The following CDH13 variants were observed in gnomAD, a reference collection of about 807,000 sequenced individuals.
CDH13 encodes cadherin-13.
In CDH13, 24 loss-of-function variants were observed where a neutral mutation model predicts 63.8. The observed-to-expected ratio is 0.38, with a 90% CI of 0.27 to 0.53. The LOEUF (loss-of-function observed/expected upper bound fraction) is 0.53. Ranked by LOEUF, CDH13 falls within the 20% of genes least tolerant of loss-of-function variation. The pLI, the probability that CDH13 is intolerant of heterozygous loss-of-function variation, is 0.85. For missense variants in CDH13, 1,049 were observed against 903.1 expected, an observed-to-expected ratio of 1.16 and a Z score of -2.07; for synonymous variants, 503 against 355.3, an observed-to-expected ratio of 1.42 and a Z score of -4.67.
chr16:82,978,887 GCAC>G (rs3049854), intron 2 of CDH13, among the ~76,000 whole-genome samples: 116,167 of 151,648 alleles, frequency 0.77, 45,182 homozygotes, highest in African/African-American at 0.9. Context: ...CCGACAGCTT[GCAC>G]CACCATGCAC....
At chr16:82,863,581 C>G (rs1310674019) in intron 2 of CDH13, among the ~76,000 whole-genome samples, 9 of 152,218 alleles carry the variant, frequency 5.9e-5, no homozygotes. Flanking sequence ...GTCCCTGCTT[C>G]TAGAGCTAAT....
At chr16:82,767,764 C>G (rs976070895) in intron 1 of CDH13, among the ~76,000 whole-genome samples, 2 of 152,184 alleles carry the variant, frequency 1.3e-5, no homozygotes, top group East Asian at 1.9e-4. Flanking sequence ...GGACACTGGA[C>G]TGCCATCCCA....
At chr16:83,521,862 CTT>C (rs1205270458) in intron 7 of CDH13, among the ~76,000 whole-genome samples, 7 of 152,202 alleles carry the variant, frequency 4.6e-5, no homozygotes, top group African/African-American at 1.7e-4. Context: ...TTTTCAATAA[CTT>C]CACCTATAAT....
chr16:82,857,452 C>G (rs765196956), intron 1 of CDH13, among the ~76,000 whole-genome samples: 1 of 152,134 alleles, frequency 6.6e-6, no homozygotes, highest in Non-Finnish European at 1.5e-5. Flanking sequence ...TTTTTATGGC[C>G]TTATAGCCTT....
intron 4 of CDH13, among the ~76,000 whole-genome samples, chr16:83,187,163 G>T (rs1394173740): frequency 6.6e-6 from 1 of 152,056 alleles, no homozygotes; most frequent in East Asian, 1.9e-4. Flanking sequence ...TAGAAATGGG[G>T]TTTCACCATG....
intron 10 of CDH13, among the ~76,000 whole-genome samples, chr16:83,730,149 G>T (rs1559322): frequency 0.012 from 1,795 of 152,270 alleles, 37 homozygotes; most frequent in African/African-American, 0.041. Context: ...TTCCCTGATT[G>T]ATTTTTTATT....
At position 83,796,150 on chromosome 16, in the gene CDH13, A is replaced by C. The variant is rs975257748; in HGVS notation, c.*1120A>C. On this transcript the variant is annotated 3_prime_UTR_variant, in exon 14 of 14. Transcript: ENST00000567109. The stretch of plus-strand genomic sequence containing the variant: ...AAGACGTTCATTATGTATGAAAAGT[A>C]ACTGATTTGTATTCTGTGAGCATGT... 2 of 152,640 alleles carry C rather than the reference A, an allele frequency of 1.3e-5. No individual in the cohort carries two copies. The highest frequency in any genetic ancestry group is 2.9e-5 in the Non-Finnish European group (2 of 68,054). The allele number at this position is 152,640 out of a possible 1,614,324, so 9.5% of individuals were successfully genotyped here. A position where few individuals can be genotyped will look rare whatever the true frequency, so the allele number is the denominator to read the frequency against.
At chr16:82,909,252 ATGTGTG>A (rs10527714) in intron 2 of CDH13, among the ~76,000 whole-genome samples, 20,981 of 146,718 alleles carry the variant, frequency 0.14, 1,680 homozygotes, top group African/African-American at 0.22. Flanking sequence ...CTGACTGTAT[ATGTGTG>A]TGTGTGTGTG....
intron 6 of CDH13, among the ~76,000 whole-genome samples, chr16:83,350,855 C>T (rs916181468): frequency 6.6e-6 from 1 of 152,194 alleles, no homozygotes. Flanking sequence ...CAGGATCCAC[C>T]TGAGTTCCTT....
chr16:83,273,627 A>T (rs893622562), intron 5 of CDH13, among the ~76,000 whole-genome samples: 14 of 152,212 alleles, frequency 9.2e-5, no homozygotes, highest in Non-Finnish European at 1.8e-4. Context: ...TTAAGAAGCC[A>T]ACAGGGAGGC....
At chr16:83,261,149 A>G (rs889355610) in intron 5 of CDH13, among the ~76,000 whole-genome samples, 2 of 152,168 alleles carry the variant, frequency 1.3e-5, no homozygotes, top group Non-Finnish European at 2.9e-5. Flanking sequence ...TTGTTATGAC[A>G]TAGTGACCAC....
intron 2 of CDH13, among the ~76,000 whole-genome samples, chr16:83,030,485 A>G (rs1660616968): frequency 6.6e-6 from 1 of 151,868 alleles, no homozygotes; most frequent in Non-Finnish European, 1.5e-5. Context: ...TCTACTAAAA[A>G]TACAAAAATT....
At chr16:83,361,785 T>G in intron 6 of CDH13, among the ~76,000 whole-genome samples, 1 of 152,156 alleles carries the variant, frequency 6.6e-6, no homozygotes, top group East Asian at 1.9e-4. Flanking sequence ...CATTAGTCTA[T>G]GTGTCTATTT....
intron 5 of CDH13, among the ~76,000 whole-genome samples, chr16:83,269,093 C>G (rs1443905352): frequency 6.6e-6 from 1 of 152,224 alleles, no homozygotes; most frequent in Non-Finnish European, 1.5e-5. Context: ...ACTTCATAAT[C>G]TAGAACTCTC....
At chr16:83,386,484 A>G (rs1287019870) in intron 6 of CDH13, among the ~76,000 whole-genome samples, 2 of 152,214 alleles carry the variant, frequency 1.3e-5, no homozygotes, top group Non-Finnish European at 2.9e-5. Context: ...CTAGGATGAT[A>G]CTAAAAGCCA....
At position 83,227,952 on chromosome 16, in the gene CDH13, A is replaced by C. The variant is rs549993394; in HGVS notation, c.636+10455A>C. ...CATGGAGCTCTGTCAATCTACAGGC[A>C]TTAGTGAGTATGTGACGATCAGGTG... On this transcript the variant is annotated intron_variant, in intron 5 of 13. Coordinates refer to ENST00000567109, the MANE Select transcript of CDH13 (RefSeq NM_001257.5). Among the ~76,000 whole-genome samples, 10 of 152,284 alleles carry C rather than the reference A, an allele frequency of 6.6e-5. No homozygotes were observed. In the South Asian group the frequency reaches 2.1e-3, roughly 32 times the overall value.
intron 4 of CDH13, among the ~76,000 whole-genome samples, chr16:83,216,448 A>ATAC (rs2039532378): frequency 8.6e-6 from 1 of 115,680 alleles, no homozygotes; most frequent in African/African-American, 3.0e-5. Context: ...ATATATACAC[A>ATAC]ACCCTAATTT....
chr16:82,721,310 T>C lies in CDH13; in HGVS notation c.45+94173T>C, dbSNP rs1290823240. On this transcript the variant is annotated intron_variant, in intron 1 of 13. Transcript: ENST00000567109. The stretch of plus-strand genomic sequence containing the variant: ...CATGATCTAGTATTTACACACATGA[T>C]GTGCTGAAGGAATACAGATGAAGGA... Among the ~76,000 whole-genome samples, 4 of 152,252 alleles carry C rather than the reference T, an allele frequency of 2.6e-5. No individual in the cohort carries two copies. The South Asian group carries it at 8.3e-4, about 32-fold the overall frequency.
At chr16:83,513,122 A>C (rs77607480) in intron 7 of CDH13, among the ~76,000 whole-genome samples, 1 of 152,174 alleles carries the variant, frequency 6.6e-6, no homozygotes, top group Non-Finnish European at 1.5e-5. Context: ...CTTCGAGCCT[A>C]TAATGCCTGC....
Sources: allele counts gnomAD v4.1 joint callset (sites outside exome capture counted in the v4.1 genomes callset), GRCh38; gene constraint gnomAD v4.1.1; transcripts MANE v1.5; gene names NCBI Gene and HGNC (gene_info 2026-07-23, HGNC 2026-07-21).